Variants in CREBRF observed in about 807,000 individuals in gnomAD.
CREBRF encodes the protein UPF0474 protein C5orf41.
CREBRF carries 5 observed loss-of-function variants against 66.1 expected under a neutral mutation model. That is an observed-to-expected ratio of 0.08 (90% confidence interval 0.04 to 0.16). The LOEUF is 0.16. CREBRF is among the 10% of genes least tolerant of loss of function. The pLI, the probability that CREBRF is intolerant of heterozygous loss-of-function variation, is 1.00. For missense variants in CREBRF, 531 were observed against 744.9 expected, an observed-to-expected ratio of 0.71 and a Z score of 3.34; for synonymous variants, 229 against 264.4, an observed-to-expected ratio of 0.87 and a Z score of 1.30.
chr5:173,090,632 TGATTCCCTTTATTACCCC>T lies in CREBRF; in HGVS notation c.459_476del (p.Tyr155_Leu160del), dbSNP rs1758296982. ...ATAGTGAGGACTCACAGTCTGTTTC[TGATTCCCTTTATTACCCC>T]GATTCACTTTTCAGTGTCAAACAAA... On this transcript the variant is annotated inframe_deletion, in exon 4 of 9. Transcript: ENST00000296953. The surrounding 1 kb of genome is among the most constrained non-coding windows in gnomAD (Gnocchi z 4.5). 6.2e-7 allele frequency: 1 copy of T among 1,614,182 alleles called. No individual in the cohort carries two copies.
intron 4 of CREBRF, among the ~76,000 whole-genome samples, chr5:173,097,544 C>T (rs373740911): frequency 7.9e-5 from 12 of 152,060 alleles, no homozygotes; most frequent in East Asian, 3.8e-4. Context: ...CGTGCCTGGC[C>T]GACAGTTTCT....
rs180893645 is a variant in CREBRF at position 173,057,259 on chromosome 5, G to T, written c.-192+780G>T. On this transcript the variant is annotated intron_variant, in intron 1 of 8. Transcript: ENST00000296953. ...CGGTGCCGCGGGGGGGCCACTAATT[G>T]GTTAGGCTGTGCCGGAGGTGGGCCG... 1,024 of 153,078 alleles carry T rather than the reference G, an allele frequency of 6.7e-3. 14 individuals carry two copies. The highest frequency in any genetic ancestry group is 0.023 in the African/African-American group (947 of 41,562). The allele number at this position is 153,078 out of a possible 1,614,324, so 9.5% of individuals were successfully genotyped here. A position where few individuals can be genotyped will look rare whatever the true frequency, so the allele number is the denominator to read the frequency against.
intron 1 of CREBRF, among the ~76,000 whole-genome samples, chr5:173,072,385 C>T (rs1011724115): frequency 6.6e-6 from 1 of 152,104 alleles, no homozygotes; most frequent in Non-Finnish European, 1.5e-5. Context: ...ATGCCATTCT[C>T]CTGCCTCAGC....
At position 173,086,542 on chromosome 5, in the gene CREBRF, T is replaced by C; in HGVS notation, c.51T>C (p.Phe17=). 1 of 1,614,134 alleles carries C rather than the reference T, an allele frequency of 6.2e-7. No homozygotes were observed. Among genetic ancestry groups the C allele is most frequent in the Non-Finnish European group, 8.5e-7 (1 of 1,179,972 alleles). Residue 17 remains phenylalanine (F), a synonymous_variant, in exon 3 of 9, where the codon TTT becomes TTC. Transcript: ENST00000296953. ...SGMDPPFGDA[F]RSHTFSEQTL... Reference sequence around the variant, plus strand: ...TGGATCCGCCTTTCGGGGATGCCTTTCGAAGCCACACCTTTTCGGAACAAA... The same window carrying C: ...TGGATCCGCCTTTCGGGGATGCCTTCCGAAGCCACACCTTTTCGGAACAAA...
At chr5:173,114,342 CTG>C (rs370729538) in intron 7 of CREBRF, among the ~76,000 whole-genome samples, 1 of 152,150 alleles carries the variant, frequency 6.6e-6, no homozygotes, top group African/African-American at 2.4e-5. Context: ...GGAAGTCACT[CTG>C]TTACTTCTTT....
chr5:173,095,254 T>C (rs1177414145), intron 4 of CREBRF, among the ~76,000 whole-genome samples: 1 of 147,990 alleles, frequency 6.8e-6, no homozygotes, highest in African/African-American at 2.5e-5. Flanking sequence ...AGTGGCCCGA[T>C]CTTGGCTCAC....
intron 1 of CREBRF, among the ~76,000 whole-genome samples, chr5:173,067,681 A>G (rs1757473059): frequency 6.6e-6 from 1 of 152,186 alleles, no homozygotes; most frequent in Non-Finnish European, 1.5e-5. Context: ...ACTGCAGTAC[A>G]GTTTGAGACC....
chr5:173,068,029 CT>C (rs1324085147), intron 1 of CREBRF: 1 of 339,520 alleles, frequency 2.9e-6, no homozygotes, highest in African/African-American at 2.2e-5. Context: ...TTAATTTTGT[CT>C]TCTGTTTTAA....
Position 173,068,907 on chromosome 5 carries a change from G to GA in CREBRF, c.-191-11663dup, listed in dbSNP as rs761306299. Among the ~76,000 whole-genome samples the GA allele has an allele frequency of 2.8e-3, 386 of 137,740 alleles. 1 individual carries two copies. The highest frequency in any genetic ancestry group is 7.2e-3 in the South Asian group (31 of 4,334). The allele number at this position is 137,740 out of a possible 152,430, so 90.4% of individuals were successfully genotyped here. On this transcript the variant is annotated intron_variant, in intron 1 of 8. Transcript: ENST00000296953. ...AACATGGTGAAACCCCATCAGTACT[G>GA]AAAAAAAAAAAAAAATTAGCTGAGC...
At chr5:173,099,980 C>T (rs1161245825) in intron 4 of CREBRF, among the ~76,000 whole-genome samples, 2 of 147,742 alleles carry the variant, frequency 1.4e-5, no homozygotes, top group Non-Finnish European at 3.0e-5. Flanking sequence ...AACCTTGGCT[C>T]ACTGCAACCT....
chr5:173,067,575 T>G (rs1385446411), intron 1 of CREBRF, among the ~76,000 whole-genome samples: 1 of 152,198 alleles, frequency 6.6e-6, no homozygotes, highest in East Asian at 1.9e-4. Context: ...ATATGAAATT[T>G]CATGTGAAAT....
intron 1 of CREBRF, among the ~76,000 whole-genome samples, chr5:173,073,108 G>A (rs1196699734): frequency 1.3e-5 from 2 of 152,202 alleles, no homozygotes; most frequent in African/African-American, 2.4e-5. Flanking sequence ...TAGAGCTCAC[G>A]CATGCACATG....
chr5:173,109,962 AT>A, intron 5 of CREBRF: 1 of 165,006 alleles, frequency 6.1e-6, no homozygotes, highest in Non-Finnish European at 1.3e-5. Context: ...GCCTGGAGTG[AT>A]AGACCAAGAC....
intron 7 of CREBRF, among the ~76,000 whole-genome samples, chr5:173,116,101 A>G (rs1758982944): frequency 6.6e-6 from 1 of 152,208 alleles, no homozygotes; most frequent in South Asian, 2.1e-4. Flanking sequence ...CCTGGATGAT[A>G]GAGAAATACC....
chr5:173,126,405 T>C (rs1201045880), intron 8 of CREBRF, among the ~76,000 whole-genome samples: 1 of 152,160 alleles, frequency 6.6e-6, no homozygotes, highest in African/African-American at 2.4e-5. Flanking sequence ...CCTCCCAAAG[T>C]ATTGGGATTA....
At chr5:173,082,217 G>T (rs1333096114) in intron 2 of CREBRF, among the ~76,000 whole-genome samples, 1 of 151,870 alleles carries the variant, frequency 6.6e-6, no homozygotes, top group Non-Finnish European at 1.5e-5. Flanking sequence ...GTTTCACCGT[G>T]TCAGCCAGGA....
chr5:173,112,470 A>G, intron 7 of CREBRF, 91 bp downstream of exon 7: 1 of 893,466 alleles, frequency 1.1e-6, no homozygotes, highest in East Asian at 2.6e-5. Flanking sequence ...CTTTCGCTGT[A>G]TTCTGCCTAG....
intron 2 of CREBRF, chr5:173,086,263 T>A (rs1758142706): frequency 1.4e-6 from 1 of 701,102 alleles, no homozygotes. Flanking sequence ...TGACCTCAGC[T>A]TCTCCACTGG....
chr5:173,117,934 C>T (rs1028835441), intron 7 of CREBRF, among the ~76,000 whole-genome samples: 11 of 149,032 alleles, frequency 7.4e-5, no homozygotes, highest in African/African-American at 1.5e-4. Flanking sequence ...AGTGCAGTGG[C>T]GCAATCTTGG....
Sources: allele counts gnomAD v4.1 joint callset (sites outside exome capture counted in the v4.1 genomes callset), GRCh38; gene constraint gnomAD v4.1.1; non-coding constraint Gnocchi (gnomAD v3.1); transcripts MANE v1.5; gene names NCBI Gene and HGNC (gene_info 2026-07-23, HGNC 2026-07-21).